The following WASHC2A variants were observed in gnomAD, a reference collection of about 807,000 sequenced individuals.
WASHC2A encodes the protein WASH complex subunit FAM21A.
A neutral mutation model predicts 140.3 loss-of-function variants in WASHC2A; 82 were observed. The ratio of observed to expected loss-of-function variants is 0.58; its 90% confidence interval spans 0.49 to 0.70. The LOEUF (loss-of-function observed/expected upper bound fraction) is 0.70, where lower values mean the gene tolerates loss of function less well. Ranked by LOEUF, WASHC2A falls within the 30% of genes least tolerant of loss-of-function variation. WASHC2A has a pLI of 0.00. For synonymous variants in WASHC2A, 340 were observed against 560.8 expected (o/e 0.61, Z 5.56); for missense variants, 985 against 1,521.8 (o/e 0.65, Z 5.87).
At chr10:50,101,685 A>G (rs1841195793) in intron 17 of WASHC2A, among the ~76,000 whole-genome samples, 1 of 152,246 alleles carries the variant, frequency 6.6e-6, no homozygotes, top group Non-Finnish European at 1.5e-5. Context: ...TGTTGCTATG[A>G]AACAAGTAAC....
In WASHC2A at chr10:50,133,106, C is replaced by T. The variant is rs948892918; in HGVS notation, c.*161C>T. On this transcript the variant is annotated 3_prime_UTR_variant, in exon 31 of 31. Transcript: ENST00000282633. ...TGGTATTTTTCTGCACTGGTTTAAT[C>T]ATGCTTAATACTACAAAACAAAAAT... is the stretch of plus-strand genomic sequence containing the variant. 7.7e-7 allele frequency: 1 copy of T among 1,296,324 alleles called. No homozygotes were observed. The highest frequency in any genetic ancestry group is 2.3e-5 in the Admixed American group (1 of 43,232). 80.3% of individuals were successfully genotyped at this position (1,296,324 alleles called of 1,614,324 possible). A position where few individuals can be genotyped will look rare whatever the true frequency, so the allele number is the denominator to read the frequency against.
Position 50,090,799 on chromosome 10 carries a change from G to T in WASHC2A, c.756G>T (p.Glu252Asp). ...AGCACACCACACAAATGAGTGATGA[G>T]GAAGAGGATGATGATGGCTGTGACC... ...QNRHTTQMSD[E>D]EEDDDGCDLF... The change falls in exon 9 of 31, where the codon GAG (glutamate) becomes GAT (aspartate). Residue 252 changes from glutamate (E) to aspartate (D), a missense_variant. Coordinates refer to ENST00000282633, the MANE Select transcript of WASHC2A (RefSeq NM_001005751.3). 1 of 1,611,390 alleles carries T rather than the reference G, an allele frequency of 6.2e-7. No homozygotes were observed. Among genetic ancestry groups the T allele is most frequent in the Non-Finnish European group, 8.5e-7 (1 of 1,179,756 alleles).
chr10:50,086,602 C>A (rs2997926), intron 7 of WASHC2A, among the ~76,000 whole-genome samples: 1 of 116,374 alleles, frequency 8.6e-6, no homozygotes, highest in Non-Finnish European at 1.8e-5. Context: ...CCCCTCCCCC[C>A]ACCCCACCAC....
intron 17 of WASHC2A, among the ~76,000 whole-genome samples, chr10:50,101,661 A>G (rs1456574941): frequency 2.0e-5 from 3 of 152,362 alleles, no homozygotes; most frequent in Non-Finnish European, 2.9e-5. Context: ...GACTTACGAG[A>G]TGTTCTGGTT....
Position 50,129,563 on chromosome 10 carries a change from G to C in WASHC2A, c.3232G>C (p.Gly1078Arg), listed in dbSNP as rs751679302. 425 of 1,611,886 alleles carry C rather than the reference G, an allele frequency of 2.6e-4. 1 individual carries two copies. The highest frequency in any genetic ancestry group is 3.3e-4 in the Non-Finnish European group (393 of 1,179,850). The change falls in exon 29 of 31, where the codon GGC becomes CGC. Residue 1078 changes from glycine (G) to arginine (R), a missense_variant. Coordinates refer to ENST00000282633, the MANE Select transcript of WASHC2A (RefSeq NM_001005751.3). ...GGCTGATGGCGCCATTTCCCCAAAT[G>C]GCCATCGGCCACAGCTCAGAGCAGC... is the stretch of plus-strand genomic sequence containing the variant. ...QWADGAISPN[G>R]HRPQLRAASG...
intron 13 of WASHC2A, among the ~76,000 whole-genome samples, chr10:50,094,468 C>G (rs1347538105): frequency 6.6e-6 from 1 of 151,102 alleles, no homozygotes; most frequent in Non-Finnish European, 1.5e-5. Context: ...GCACCTGTCC[C>G]CTTGGTGCAG....
At chr10:50,109,825 A>G in intron 19 of WASHC2A, among the ~76,000 whole-genome samples, 1 of 152,132 alleles carries the variant, frequency 6.6e-6, no homozygotes, top group Non-Finnish European at 1.5e-5. Flanking sequence ...GCTGGAGTGC[A>G]GTGGCACGAT....
chr10:50,110,339 A>G (rs1481014191), intron 20 of WASHC2A, 69 bp downstream of exon 20: 28 of 1,598,012 alleles, frequency 1.8e-5, no homozygotes, highest in Non-Finnish European at 2.3e-5. Context: ...TCTGATGCAC[A>G]ATCTAGTTCA....
At chr10:50,091,544 A>C in intron 10 of WASHC2A, 26 bp downstream of exon 10, 1 of 1,549,516 alleles carries the variant, frequency 6.5e-7, no homozygotes, top group Non-Finnish European at 8.7e-7. Context: ...GTTGATGGGG[A>C]GTAGGGGGGG....
intron 28 of WASHC2A, among the ~76,000 whole-genome samples, chr10:50,128,809 G>A (rs1301120715): frequency 6.6e-6 from 1 of 152,008 alleles, no homozygotes; most frequent in Non-Finnish European, 1.5e-5. Flanking sequence ...CTGCATCATT[G>A]CTACTAAGTG....
intron 19 of WASHC2A, among the ~76,000 whole-genome samples, chr10:50,107,435 A>G (rs1841888349): frequency 6.6e-6 from 1 of 150,592 alleles, no homozygotes; most frequent in African/African-American, 2.4e-5. Flanking sequence ...TGTGCAGAAA[A>G]AGACTTTAAA....
At chr10:50,079,649 TTGGCCTAC>T (rs1413603764) in intron 4 of WASHC2A, among the ~76,000 whole-genome samples, 1 of 152,250 alleles carries the variant, frequency 6.6e-6, no homozygotes, top group Non-Finnish European at 1.5e-5. Context: ...TCCGCCAGCC[TTGGCCTAC>T]CAAAGTGCTA....
At chr10:50,099,331 A>G (rs1408058392) in intron 16 of WASHC2A, among the ~76,000 whole-genome samples, 1 of 149,496 alleles carries the variant, frequency 6.7e-6, no homozygotes, top group Non-Finnish European at 1.5e-5. Context: ...GTGTAGTGGT[A>G]CAATCACAGC....
intron 3 of WASHC2A, among the ~76,000 whole-genome samples, chr10:50,077,799 A>G (rs1354865474): frequency 6.8e-6 from 1 of 147,536 alleles, no homozygotes; most frequent in Non-Finnish European, 1.5e-5. Flanking sequence ...AAGCCCCACA[A>G]GTAGCTGGAA....
Position 50,069,643 on chromosome 10 carries a change from A to G in WASHC2A, c.223A>G (p.Thr75Ala). Residue 75 changes from threonine to alanine, a missense_variant, in exon 3 of 31, where the codon ACA becomes GCA. By Grantham distance (58) the Thr-to-Ala change is moderately conservative (BLOSUM62 0). Coordinates refer to ENST00000282633, the MANE Select transcript of WASHC2A (RefSeq NM_001005751.3). ...CGGACTAATTCGGGAAACCAAAGCC[A>G]CAGATTGTCGCCTGCATAATGTCTT... The part of the protein sequence containing the change: ...VDGLIRETKA[T>A]DCRLHNVFND... 6.2e-7 allele frequency: 1 copy of G among 1,614,010 alleles called. No individual in the cohort carries two copies. The highest frequency in any genetic ancestry group is 8.5e-7 in the Non-Finnish European group (1 of 1,179,868).
chr10:50,098,077 A>G (rs1452559897), intron 16 of WASHC2A, among the ~76,000 whole-genome samples: 1 of 151,832 alleles, frequency 6.6e-6, no homozygotes, highest in Non-Finnish European at 1.5e-5. Context: ...TGTTTGCTGC[A>G]TGGAACTGTT....
At chr10:50,131,673 G>T (rs1178836288) in intron 30 of WASHC2A, among the ~76,000 whole-genome samples, 1 of 152,144 alleles carries the variant, frequency 6.6e-6, no homozygotes. Context: ...TAAATCCTGT[G>T]GGCTGAGGCC....
intron 14 of WASHC2A, among the ~76,000 whole-genome samples, 176 bp downstream of exon 14, chr10:50,095,383 C>T (rs1259244740): frequency 6.6e-6 from 1 of 152,154 alleles, no homozygotes; most frequent in Admixed American, 6.5e-5. Context: ...TCTCCTAGAG[C>T]TCAGTGGCCT....
intron 8 of WASHC2A, among the ~76,000 whole-genome samples, 199 bp downstream of exon 8, chr10:50,087,521 T>G (rs1839491583): frequency 2.0e-5 from 3 of 152,050 alleles, no homozygotes; most frequent in African/African-American, 7.2e-5. Flanking sequence ...TTATAGTTTA[T>G]TTTTCTTAGA....
Sources: gnomAD v4.1 joint callset for allele counts (sites outside exome capture counted in the v4.1 genomes callset) on GRCh38, gnomAD v4.1.1 for gene constraint, MANE v1.5 for transcripts, NCBI Gene and HGNC (gene_info 2026-07-23, HGNC 2026-07-21) for gene names.